Variants in FTCD observed in about 807,000 individuals in gnomAD.
The protein encoded by FTCD is formimidoyltransferase cyclodeaminase.
A neutral mutation model predicts 62.9 loss-of-function variants in FTCD; 76 were observed. The observed-to-expected ratio is 1.21, with a 90% CI of 1.00 to 1.46. The LOEUF (loss-of-function observed/expected upper bound fraction) is 1.46. Ranked by LOEUF, FTCD falls within the 40% of genes most tolerant of loss-of-function variation. The pLI, the probability that FTCD is intolerant of heterozygous loss-of-function variation, is 0.00. For synonymous variants in FTCD, 397 were observed against 336.9 expected, an observed-to-expected ratio of 1.18 and a Z score of -1.95; for missense variants, 845 against 751.3, an observed-to-expected ratio of 1.12 and a Z score of -1.46.
chr21:46,136,469 C>T (rs747774803), downstream of FTCD: 101 of 1,612,504 alleles, frequency 6.3e-5, no homozygotes, highest in Admixed American at 8.3e-5. Context: ...CTTCCAGCGT[C>T]GAAGGTCCTG....
At chr21:46,141,172 C>T (rs1282556440) in intron 10 of FTCD, among the ~76,000 whole-genome samples, 1 of 152,192 alleles carries the variant, frequency 6.6e-6, no homozygotes, top group East Asian at 1.9e-4. Flanking sequence ...GGGTGTCGTT[C>T]TGTTGCCCAG....
At chr21:46,139,223 A>G (rs1288339512) in intron 10 of FTCD, among the ~76,000 whole-genome samples, 2 of 152,220 alleles carry the variant, frequency 1.3e-5, no homozygotes, top group Non-Finnish European at 2.9e-5. Flanking sequence ...AGGTCCCCTG[A>G]GCCCTCAGAA....
At chr21:46,146,009 C>CG in intron 8 of FTCD, 62 bp from the exon 9 acceptor site, 1 of 1,066,374 alleles carries the variant, frequency 9.4e-7, no homozygotes, top group East Asian at 2.7e-5. Context: ...GCAGTCCTCC[C>CG]GGGGCGGCCC....
At chr21:46,142,667 A>G (rs1196816147) in intron 10 of FTCD, 2 of 152,162 alleles carry the variant, frequency 1.3e-5, no homozygotes, top group African/African-American at 4.8e-5. Flanking sequence ...GAGCAAAAGA[A>G]CAAAGCCCCC....
In FTCD at chr21:46,151,916, C is replaced by T. The variant is rs1425023424; in HGVS notation, c.432G>A (p.Gly144=). The T allele has an allele frequency of 1.9e-6, 3 of 1,567,620 alleles. No homozygotes were observed. Among genetic ancestry groups the T allele is most frequent in the East Asian group, 2.4e-5 (1 of 42,228 alleles). ...SRRTLPAIRA[G]EYEALPKKLQ... is the part of the protein sequence containing the mutation. ...CCTTCTTAGGGAGGGCCTCGTACTC[C>T]CCGGCCCGGATGGCCGGCAGGGTCC... is the stretch of plus-strand genomic sequence containing the variant. Residue 144 remains glycine (G), a synonymous_variant, in exon 4 of 14, where the codon GGG becomes GGA. Transcript: ENST00000397746.
chr21:46,146,174 C>G, intron 8 of FTCD, 92 bp downstream of exon 8: 3 of 941,824 alleles, frequency 3.2e-6, no homozygotes, highest in Non-Finnish European at 5.1e-6. Flanking sequence ...GAGGACTCAG[C>G]CGGGTCTCCA....
chr21:46,150,717 C>T (rs981808678), intron 5 of FTCD, among the ~76,000 whole-genome samples, 192 bp from the exon 6 acceptor site: 8 of 152,154 alleles, frequency 5.3e-5, no homozygotes, highest in Admixed American at 3.3e-4. Context: ...CACAGGGAAA[C>T]GGAGGCCCCA....
chr21:46,150,179 G>A lies in FTCD; in HGVS notation c.846C>T (p.Ala282=), dbSNP rs766253469. The A allele has an allele frequency of 1.1e-5, 17 of 1,609,912 alleles. 1 individual carries two copies. The South Asian group carries it at 1.2e-4, about 12-fold the overall frequency. Residue 282 remains alanine, a synonymous_variant, in exon 7 of 14, where the codon GCC becomes GCT. Coordinates refer to ENST00000397746, the MANE Select transcript of FTCD (RefSeq NM_206965.2). ...LVPLKALLDA[A]AFYCEKENLF... ...GGTTCTCCTTCTCGCAGTAGAAGGC[G>A]GCCGCATCCAGCAGAGCCTTCAGGG...
intron 12 of FTCD, among the ~76,000 whole-genome samples, chr21:46,138,201 G>A (rs1170930891): frequency 6.6e-6 from 1 of 152,196 alleles, no homozygotes; most frequent in Non-Finnish European, 1.5e-5. Flanking sequence ...TGACATAGGT[G>A]TTTTCTAGAA....
At chr21:46,143,889 A>G (rs2079070236) in intron 10 of FTCD, among the ~76,000 whole-genome samples, 1 of 152,176 alleles carries the variant, frequency 6.6e-6, no homozygotes, top group Non-Finnish European at 1.5e-5. Flanking sequence ...CCCGAGGCCT[A>G]ATCGTCTCCC....
intron 3 of FTCD, 21 bp from the exon 4 acceptor site, chr21:46,152,001 C>G: frequency 6.5e-7 from 1 of 1,534,492 alleles, no homozygotes; most frequent in Non-Finnish European, 8.8e-7. Context: ...GCCCGGCGGT[C>G]AGGCCTGGAC....
chr21:46,139,861 G>A (rs73161654), intron 10 of FTCD, among the ~76,000 whole-genome samples: 19,267 of 152,160 alleles, frequency 0.13, 1,565 homozygotes, highest in South Asian at 0.4. Context: ...GCTGCGACTC[G>A]CGCTACGAAC....
Position 46,154,286 on chromosome 21 carries a change from A to G in FTCD, c.101T>C (p.Val34Ala). 3 of 1,612,158 alleles carry G rather than the reference A, an allele frequency of 1.9e-6. No homozygotes were observed. The highest frequency in any genetic ancestry group is 1.7e-4 in the Middle Eastern group (1 of 5,770). The change falls in exon 2 of 14, where the codon GTG becomes GCG. Residue 34 changes from valine (V) to alanine (A), a missense_variant. Coordinates refer to ENST00000397746, the MANE Select transcript of FTCD (RefSeq NM_206965.2). The part of the protein sequence containing the change: ...SGAITQTPGC[V>A]LLDVDAGPST... Reference sequence around the variant, plus strand: ...AGGGCCTGCGTCCACATCCAGCAGCACGCAGCCCGGGGTCTGTGTGATGGC... The same window carrying G: ...AGGGCCTGCGTCCACATCCAGCAGCGCGCAGCCCGGGGTCTGTGTGATGGC...
chr21:46,152,497 C>T (rs2123572023), intron 3 of FTCD: 1 of 199,442 alleles, frequency 5.0e-6, no homozygotes, highest in Non-Finnish European at 1.0e-5. Flanking sequence ...GTGACTGTGA[C>T]CTACGTCCCT....
At chr21:46,137,466 C>A in intron 12 of FTCD, 132 bp from the exon 13 acceptor site, 1 of 751,216 alleles carries the variant, frequency 1.3e-6, no homozygotes. Flanking sequence ...GCGCAGCCCC[C>A]GCTTTCGCCC....
chr21:46,138,419 A>T, intron 12 of FTCD, 89 bp downstream of exon 12: 1 of 1,344,426 alleles, frequency 7.4e-7, no homozygotes. Flanking sequence ...GGCTCAGCCC[A>T]GCCAACCACC....
chr21:46,150,056 G>A lies in FTCD; in HGVS notation c.906+63C>T, dbSNP rs566161120. On this transcript the variant is annotated intron_variant, in intron 7 of 13. Coordinates refer to ENST00000397746, the MANE Select transcript of FTCD (RefSeq NM_206965.2). ...GCTGCGCCCCAGGGCTGTGAGCTCC[G>A]CCACCGCCTCCCCACCCTCCCTGCA... 2.6e-4 allele frequency: 327 copies of A among 1,236,986 alleles called. 1 individual carries two copies. The highest frequency in any genetic ancestry group is 2.6e-3 in the South Asian group (205 of 79,764). 76.6% of individuals were successfully genotyped at this position (1,236,986 alleles called of 1,614,324 possible).
chr21:46,143,184 G>C (rs2079058262), intron 10 of FTCD, among the ~76,000 whole-genome samples: 1 of 152,164 alleles, frequency 6.6e-6, no homozygotes, highest in South Asian at 2.1e-4. Flanking sequence ...ACCCAGCCTT[G>C]TAAGGTAGAC....
intron 5 of FTCD, 126 bp downstream of exon 5, chr21:46,151,432 G>C: frequency 1.2e-6 from 1 of 862,942 alleles, no homozygotes; most frequent in Non-Finnish European, 1.9e-6. Flanking sequence ...CCGGTCTGCA[G>C]GTGGGAGGCC....
Sources: allele counts gnomAD v4.1 joint callset (sites outside exome capture counted in the v4.1 genomes callset), GRCh38; gene constraint gnomAD v4.1.1; transcripts MANE v1.5; gene names NCBI Gene and HGNC (gene_info 2026-07-23, HGNC 2026-07-21).